Variants in CCDC57 observed in about 807,000 individuals in gnomAD.
The protein encoded by CCDC57 is coiled-coil domain containing 57.
CCDC57 carries 118 observed loss-of-function variants against 118.9 expected under a neutral mutation model. That is an observed-to-expected ratio of 0.99 (90% CI 0.86 to 1.16). The LOEUF is 1.16. CCDC57 is among the 50% of genes most tolerant of loss of function. The probability of loss-of-function intolerance (pLI) is 0.00; values close to 1 mark genes in which losing one functional copy is unlikely to be tolerated. For missense variants in CCDC57, 1,300 were observed against 1,320.7 expected, an observed-to-expected ratio of 0.98 and a Z score of 0.24; for synonymous variants, 527 against 532.9, an observed-to-expected ratio of 0.99 and a Z score of 0.15.
chr17:82,127,847 G>C, exon 19 of CCDC57: 1 of 1,610,892 alleles, frequency 6.2e-7, no homozygotes, highest in Non-Finnish European at 8.5e-7. Context: ...GGGTGGCTTT[G>C]GGGACCTGTC....
At chr17:82,128,924 T>G (rs1460989716) in intron 17 of CCDC57, among the ~76,000 whole-genome samples, 1 of 150,874 alleles carries the variant, frequency 6.6e-6, no homozygotes, top group African/African-American at 2.4e-5. Flanking sequence ...GCTTTTTTGT[T>G]TTTTTTTTTT....
intron 2 of CCDC57, among the ~76,000 whole-genome samples, chr17:82,204,108 CT>C (rs1167969241): frequency 1.3e-5 from 2 of 152,154 alleles, no homozygotes; most frequent in Non-Finnish European, 1.5e-5. Flanking sequence ...GACGGCGCTT[CT>C]CTGACGAGGC....
chr17:82,166,523 AC>A (rs1456859922), intron 13 of CCDC57, among the ~76,000 whole-genome samples: 1 of 151,808 alleles, frequency 6.6e-6, no homozygotes, highest in Non-Finnish European at 1.5e-5. Context: ...TCTAAAAAAA[AC>A]AAACAAATAC....
intron 16 of CCDC57, among the ~76,000 whole-genome samples, chr17:82,149,276 G>A (rs1241202893): frequency 3.3e-5 from 5 of 150,588 alleles, no homozygotes; most frequent in African/African-American, 1.2e-4. Flanking sequence ...GTGGGTGAAT[G>A]GATGGATAGA....
chr17:82,120,546 A>G (rs1308689973), intron 19 of CCDC57, among the ~76,000 whole-genome samples: 1 of 152,228 alleles, frequency 6.6e-6, no homozygotes, highest in Non-Finnish European at 1.5e-5. Context: ...CGCAGTTTCC[A>G]AGGTTTTAAG....
rs1189419766 is a variant in CCDC57, at chr17:82,150,281, G to T, written c.2455+1279C>A. Among the ~76,000 whole-genome samples the T allele has an allele frequency of 6.4e-4, 85 of 133,066 alleles. 1 individual carries two copies. Among genetic ancestry groups the T allele is most frequent in the Non-Finnish European group, 3.4e-4 (21 of 62,482 alleles). The allele number at this position is 133,066 out of a possible 152,430, so 87.3% of individuals were successfully genotyped here. A position where few individuals can be genotyped will look rare whatever the true frequency, so the allele number is the denominator to read the frequency against. On this transcript the variant is annotated intron_variant, in intron 16 of 19. Coordinates refer to ENST00000665763, the Ensembl canonical transcript of CCDC57. Reference sequence around the variant, plus strand: ...ACCTGACCCGCACCCAGAACCAGGCGCACACCCAGAACCTGGTGCACACCC... The same window carrying T: ...ACCTGACCCGCACCCAGAACCAGGCTCACACCCAGAACCTGGTGCACACCC...
At position 82,192,098 on chromosome 17, in the gene CCDC57, G is replaced by A. The variant is rs1408702936; in HGVS notation, c.851+1658C>T. On this transcript the variant is annotated intron_variant, in intron 7 of 19. Transcript: ENST00000665763. This position sits in a 1 kb window ranked among gnomAD's most constrained non-coding sequence, Gnocchi z 4.0. ...CCTCCCAAGTTCAAGTGATTCCCCT[G>A]CCTCAGCCTGCCAAGTAGCTGGGAT... Among the ~76,000 whole-genome samples, 1 of 151,290 alleles carries A rather than the reference G, an allele frequency of 6.6e-6. No individual in the cohort carries two copies. Among genetic ancestry groups the A allele is most frequent in the Non-Finnish European group, 1.5e-5 (1 of 67,958 alleles).
At chr17:82,180,118 T>C (rs1032565631) in intron 9 of CCDC57, among the ~76,000 whole-genome samples, 3 of 152,174 alleles carry the variant, frequency 2.0e-5, no homozygotes, top group African/African-American at 7.2e-5. Flanking sequence ...ATGATAGCAA[T>C]TGAGCCACCG....
At chr17:82,197,492 C>T (rs1246124867) in intron 4 of CCDC57, among the ~76,000 whole-genome samples, 3 of 152,232 alleles carry the variant, frequency 2.0e-5, no homozygotes, top group African/African-American at 7.2e-5. Flanking sequence ...TCAGTTGAAG[C>T]ATCTGTTTTT....
At chr17:82,113,877 T>G (rs1402774106) in intron 19 of CCDC57, 1 of 567,392 alleles carries the variant, frequency 1.8e-6, no homozygotes, top group Non-Finnish European at 3.2e-6. Flanking sequence ...GCCTGGAAAG[T>G]TGAGGCCACA....
intron 16 of CCDC57, among the ~76,000 whole-genome samples, chr17:82,138,542 G>T (rs1196452181): frequency 2.0e-5 from 3 of 147,636 alleles, no homozygotes; most frequent in Non-Finnish European, 4.5e-5. Context: ...GGTCTCTATC[G>T]AAAAAAAAAA....
At chr17:82,121,739 C>T (rs979734303) in intron 19 of CCDC57, among the ~76,000 whole-genome samples, 13 of 152,188 alleles carry the variant, frequency 8.5e-5, no homozygotes, top group Admixed American at 6.5e-4. Flanking sequence ...GCCATGGGGC[C>T]GTGCATGCCG....
chr17:82,177,099 G>C (rs1399454976), intron 11 of CCDC57, among the ~76,000 whole-genome samples: 2 of 152,114 alleles, frequency 1.3e-5, no homozygotes, highest in Non-Finnish European at 2.9e-5. Context: ...TACAAAATTA[G>C]CCGGGCGTGG....
chr17:82,169,495 C>T (rs2044406958), intron 13 of CCDC57, among the ~76,000 whole-genome samples: 1 of 152,188 alleles, frequency 6.6e-6, no homozygotes, highest in South Asian at 2.1e-4. Context: ...CCTTTCTTTT[C>T]CTGCCTTAGG....
rs907628086 is a variant in CCDC57 at position 82,210,314 on chromosome 17, C to T, written c.-210-2266G>A. Among the ~76,000 whole-genome samples, 12 of 152,014 alleles carry T rather than the reference C, an allele frequency of 7.9e-5. No homozygotes were observed. The South Asian group carries it at 2.5e-3, about 32-fold the overall frequency. ...AACAGAAAAATCATTTAACAAATAG[C>T]ACATTAACAGTTATTTTGGGGAAAC... is the stretch of plus-strand genomic sequence containing the variant. On this transcript the variant is annotated intron_variant, in intron 1 of 19. Transcript: ENST00000665763.
chr17:82,171,783 T>C (rs1470376191), exon 13 of CCDC57: 1 of 1,613,968 alleles, frequency 6.2e-7, no homozygotes, highest in East Asian at 2.2e-5. Flanking sequence ...ACACATCTTC[T>C]AGATGCTTTT....
At chr17:82,111,037 G>C (rs1421103284) in intron 19 of CCDC57, among the ~76,000 whole-genome samples, 1 of 152,040 alleles carries the variant, frequency 6.6e-6, no homozygotes, top group Non-Finnish European at 1.5e-5. Context: ...ACAGAAGACA[G>C]CCTCATCATC....
intron 19 of CCDC57, among the ~76,000 whole-genome samples, chr17:82,102,899 AC>A (rs2034561300): frequency 2.1e-5 from 3 of 145,034 alleles, no homozygotes; most frequent in Admixed American, 6.7e-5. Context: ...AAAAAAAAAA[AC>A]AAAAAAAACC....
At chr17:82,196,717 G>A (rs1487176692) in intron 4 of CCDC57, among the ~76,000 whole-genome samples, 2 of 151,708 alleles carry the variant, frequency 1.3e-5, no homozygotes, top group Non-Finnish European at 2.9e-5. Flanking sequence ...TGCATAGACA[G>A]AGCCATTTAT....
Sources: gnomAD v4.1 joint callset for allele counts (sites outside exome capture counted in the v4.1 genomes callset) on GRCh38, gnomAD v4.1.1 for gene constraint, Gnocchi (gnomAD v3.1) non-coding constraint, MANE v1.5 for transcripts, NCBI Gene and HGNC (gene_info 2026-07-23, HGNC 2026-07-21) for gene names.